LHFPL2: variants seen among roughly 807,000 people sequenced by gnomAD.
The protein encoded by LHFPL2 is LHFPL tetraspan subfamily member 2 protein.
A neutral mutation model predicts 17.5 loss-of-function variants in LHFPL2; 7 were observed. The observed-to-expected ratio is 0.40, with a 90% CI of 0.23 to 0.75. The LOEUF (loss-of-function observed/expected upper bound fraction) is 0.75, where lower values mean the gene tolerates loss of function less well. Among genes scored for constraint, LHFPL2 ranks in the 30% least tolerant of loss-of-function variants. The pLI is 0.37. For missense variants in LHFPL2, 241 were observed against 294.8 expected (o/e 0.82, Z 1.34); for synonymous variants, 134 against 116.2 (o/e 1.15, Z -0.99).
intron 4 of LHFPL2, among the ~76,000 whole-genome samples, chr5:78,504,258 G>A (rs1421604155): frequency 6.6e-6 from 1 of 152,160 alleles, no homozygotes; most frequent in East Asian, 1.9e-4. Context: ...ATGCCTCTTT[G>A]AGGGTGTTCT....
At chr5:78,574,703 A>G (rs566433613) in intron 2 of LHFPL2, among the ~76,000 whole-genome samples, 1 of 152,366 alleles carries the variant, frequency 6.6e-6, no homozygotes, top group Non-Finnish European at 1.5e-5. Flanking sequence ...TTTCCCCACA[A>G]GATTTTTCTG....
intron 2 of LHFPL2, among the ~76,000 whole-genome samples, chr5:78,616,184 G>A (rs531029758): frequency 6.6e-6 from 1 of 152,188 alleles, no homozygotes; most frequent in Non-Finnish European, 1.5e-5. Flanking sequence ...CTGAAGTGCA[G>A]TGGCGCAATC....
At chr5:78,630,534 A>T (rs73150021) in intron 2 of LHFPL2, among the ~76,000 whole-genome samples, 8,479 of 152,148 alleles carry the variant, frequency 0.056, 793 homozygotes, top group African/African-American at 0.19. Flanking sequence ...GGAAACTTGA[A>T]GACCATGAAG....
At chr5:78,613,896 G>C (rs1211509819) in intron 2 of LHFPL2, among the ~76,000 whole-genome samples, 4 of 152,168 alleles carry the variant, frequency 2.6e-5, no homozygotes, top group Non-Finnish European at 5.9e-5. Flanking sequence ...ACAAAGGACT[G>C]ATTATATGAA....
At chr5:78,615,102 T>C (rs1043997899) in intron 2 of LHFPL2, among the ~76,000 whole-genome samples, 1 of 152,056 alleles carries the variant, frequency 6.6e-6, no homozygotes, top group Non-Finnish European at 1.5e-5. Flanking sequence ...ATTTCAGGAG[T>C]TGATGTCTGT....
chr5:78,535,373 T>A (rs769556697), intron 3 of LHFPL2, among the ~76,000 whole-genome samples: 3 of 152,132 alleles, frequency 2.0e-5, no homozygotes, highest in Non-Finnish European at 4.4e-5. Flanking sequence ...GCTGCCTCCC[T>A]TCCCATCTCA....
At chr5:78,646,337 C>T (rs549370303) in intron 1 of LHFPL2, among the ~76,000 whole-genome samples, 2 of 152,332 alleles carry the variant, frequency 1.3e-5, no homozygotes, top group South Asian at 4.1e-4. Flanking sequence ...TGCATTATAG[C>T]TGTTTAACAG....
intron 3 of LHFPL2, among the ~76,000 whole-genome samples, chr5:78,514,357 TAAAAA>T (rs56725399): frequency 1.4e-5 from 2 of 147,100 alleles, no homozygotes; most frequent in African/African-American, 5.0e-5. Flanking sequence ...CCTCTTCACT[TAAAAA>T]AAAAAAAAAG....
chr5:78,538,337 C>CT (rs1484255831), intron 3 of LHFPL2, among the ~76,000 whole-genome samples: 5 of 128,404 alleles, frequency 3.9e-5, no homozygotes, highest in African/African-American at 1.3e-4. Flanking sequence ...GCTCATTAAA[C>CT]ATTTTTTTAA....
At chr5:78,627,111 T>C (rs1006169580) in intron 2 of LHFPL2, among the ~76,000 whole-genome samples, 21 of 151,542 alleles carry the variant, frequency 1.4e-4, no homozygotes, top group African/African-American at 4.9e-4. Context: ...AAAACAAATA[T>C]AGTAAGCAGA....
intron 2 of LHFPL2, among the ~76,000 whole-genome samples, chr5:78,574,917 G>A (rs1757090800): frequency 1.3e-5 from 2 of 152,230 alleles, no homozygotes; most frequent in Admixed American, 6.5e-5. Flanking sequence ...CTCTCTGTGT[G>A]ACTCAGAACT....
intron 1 of LHFPL2, chr5:78,644,442 G>A: frequency 1.5e-6 from 1 of 650,158 alleles, no homozygotes; most frequent in Non-Finnish European, 2.7e-6. Flanking sequence ...ATCATCTGCG[G>A]CAGTGCCCTT....
At chr5:78,559,312 A>G (rs555818058) in intron 3 of LHFPL2, among the ~76,000 whole-genome samples, 1 of 152,354 alleles carries the variant, frequency 6.6e-6, no homozygotes, top group South Asian at 2.1e-4. Context: ...CTGAGCAAAT[A>G]TATGTATCAG....
intron 2 of LHFPL2, among the ~76,000 whole-genome samples, chr5:78,580,403 G>A (rs972324459): frequency 2.6e-5 from 4 of 151,954 alleles, no homozygotes; most frequent in African/African-American, 9.7e-5. Context: ...TGGTGTTTTA[G>A]ACATGAAGTC....
At chr5:78,534,026 G>C (rs759212852) in intron 3 of LHFPL2, among the ~76,000 whole-genome samples, 1 of 152,220 alleles carries the variant, frequency 6.6e-6, no homozygotes, top group Non-Finnish European at 1.5e-5. Context: ...GGGCTCCACA[G>C]GAAGGCCCAG....
At chr5:78,510,920 C>A (rs1755099855) in intron 3 of LHFPL2, among the ~76,000 whole-genome samples, 1 of 152,222 alleles carries the variant, frequency 6.6e-6, no homozygotes, top group Non-Finnish European at 1.5e-5. Context: ...AGTAGCAACA[C>A]CCCGCTTTTA....
intron 2 of LHFPL2, among the ~76,000 whole-genome samples, chr5:78,575,688 CA>C (rs765808736): frequency 2.4e-4 from 37 of 152,250 alleles, no homozygotes; most frequent in Non-Finnish European, 5.0e-4. Context: ...AGCACTAAAA[CA>C]AAATGTTATA....
chr5:78,568,844 ACACTCTG>A, intron 2 of LHFPL2, among the ~76,000 whole-genome samples: 1 of 152,280 alleles, frequency 6.6e-6, no homozygotes, highest in South Asian at 2.1e-4. Context: ...GTATCACAGG[ACACTCTG>A]CAATTCATTT....
chr5:78,531,229 A>G (rs1357064109), intron 3 of LHFPL2, among the ~76,000 whole-genome samples: 1 of 152,108 alleles, frequency 6.6e-6, no homozygotes, highest in Non-Finnish European at 1.5e-5. Context: ...CAGCCTGATC[A>G]ACATGGAGAA....
Sources: allele counts gnomAD v4.1 joint callset (sites outside exome capture counted in the v4.1 genomes callset), GRCh38; gene constraint gnomAD v4.1.1; transcripts MANE v1.5; gene names NCBI Gene and HGNC (gene_info 2026-07-23, HGNC 2026-07-21).